The following SART1 variants were observed in gnomAD, a reference collection of about 807,000 sequenced individuals.
SART1 encodes spliceosome associated factor 1, recruiter of U4/U6.U5 tri-snRNP, also known as U4/U6.U5 tri-snRNP-associated protein 1.
SART1 carries 28 observed loss-of-function variants against 105.0 expected under a neutral mutation model. The ratio of observed to expected loss-of-function variants is 0.27; its 90% CI spans 0.20 to 0.37. The LOEUF is 0.37. Among genes scored for constraint, SART1 ranks in the 10% least tolerant of loss-of-function variants. The pLI, the probability that SART1 is intolerant of heterozygous loss-of-function variation, is 1.00. For missense variants in SART1, 894 were observed against 1,106.5 expected (o/e 0.81, Z 2.72); for synonymous variants, 472 against 462.9 (o/e 1.02, Z -0.25).
rs2276015 is a variant in SART1, at chr11:65,976,832, C to T, written c.1857+66C>T. On this transcript the variant is annotated intron_variant, in intron 14 of 19. Coordinates refer to ENST00000312397, the MANE Select transcript of SART1 (RefSeq NM_005146.5). This position sits in a 1 kb window ranked among gnomAD's most constrained non-coding sequence, Gnocchi z 5.1. ...TCAAGCTGGAGATGAGCACCGGGCT[C>T]GGTGTCCAGAGCCTCAGCCTCCTCA... 9,727 of 1,381,676 alleles carry T rather than the reference C, an allele frequency of 7.0e-3. 562 individuals carry two copies. In the East Asian group the frequency reaches 0.15, roughly 22 times the overall value. The allele number at this position is 1,381,676 out of a possible 1,614,324, so 85.6% of individuals were successfully genotyped here.
intron 4 of SART1, 35 bp downstream of exon 4, chr11:65,965,253 G>C: frequency 6.2e-7 from 1 of 1,609,712 alleles, no homozygotes; most frequent in Non-Finnish European, 8.5e-7. Flanking sequence ...CAAGGGAAGG[G>C]CTGGGGAGGC....
At chr11:65,975,679 G>A (rs932117002) in intron 12 of SART1, among the ~76,000 whole-genome samples, 6 of 152,080 alleles carry the variant, frequency 3.9e-5, no homozygotes, top group African/African-American at 9.7e-5. Context: ...TTAAAAAAAT[G>A]AATGTAATAT....
At chr11:65,973,017 C>CA (rs1302062464) in intron 12 of SART1, among the ~76,000 whole-genome samples, 1 of 151,806 alleles carries the variant, frequency 6.6e-6, no homozygotes, top group African/African-American at 2.4e-5. Flanking sequence ...AAAAAAAATA[C>CA]AAAAAAATTA....
chr11:65,974,277 G>C (rs1294413411), intron 12 of SART1, among the ~76,000 whole-genome samples: 1 of 150,456 alleles, frequency 6.6e-6, no homozygotes, highest in Admixed American at 6.7e-5. Context: ...AGGAGGCTGA[G>C]GCAGGAGAAT....
rs1306718964 is a variant in SART1, at chr11:65,967,805, G to A, written c.1556G>A (p.Arg519Gln). Residue 519 changes from arginine to glutamine, a missense_variant, in exon 12 of 20, where the codon CGA becomes CAA. By Grantham distance (43) the Arg-to-Gln change is conservative. Transcript: ENST00000312397. ...CAGTTACAGCAGCTACAGCAGCTGC[G>A]AGACAGTGGCGAGAAGGTGAGGCTG... The part of the protein sequence containing the change: ...LRQLQQLQQL[R>Q]DSGEKVVEIV... 2 of 1,541,056 alleles carry A rather than the reference G, an allele frequency of 1.3e-6. No individual in the cohort carries two copies. The highest frequency in any genetic ancestry group is 2.0e-5 in the Admixed American group (1 of 49,566).
chr11:65,964,444 T>G (rs1855206670), intron 2 of SART1, 71 bp from the exon 3 acceptor site: 4 of 1,564,942 alleles, frequency 2.6e-6, no homozygotes, highest in Non-Finnish European at 3.5e-6. Context: ...TTTCTCCTCT[T>G]GTCTGTCTGG....
At chr11:65,971,623 T>G (rs1855381634) in intron 12 of SART1, among the ~76,000 whole-genome samples, 1 of 125,548 alleles carries the variant, frequency 8.0e-6, no homozygotes, top group African/African-American at 3.1e-5. Context: ...AGGAGGGGGA[T>G]GGTGGGATTC....
rs1855441530 is a variant in SART1 at position 65,974,390 on chromosome 11, AAC to A, written c.1573-2004_1573-2003del. Among the ~76,000 whole-genome samples, 7 of 146,466 alleles carry A rather than the reference AAC, an allele frequency of 4.8e-5. 1 individual carries two copies. The highest frequency in any genetic ancestry group is 2.1e-4 in the South Asian group (1 of 4,658). On this transcript the variant is annotated intron_variant, in intron 12 of 19. Transcript: ENST00000312397. Reference sequence around the variant, plus strand: ...CTGTCTCAAAAAAAAAAAAAAAAAAAACCATATCAGCCGGGTGTGGTGGTTCA... The same window carrying A: ...CTGTCTCAAAAAAAAAAAAAAAAAAACATATCAGCCGGGTGTGGTGGTTCA...
chr11:65,978,180 C>T lies in SART1; in HGVS notation c.2172+281C>T. 3.8e-6 allele frequency: 2 copies of T among 525,400 alleles called. No homozygotes were observed. The highest frequency in any genetic ancestry group is 4.3e-5 in the South Asian group (2 of 46,752). The allele number at this position is 525,400 out of a possible 1,614,324, so 32.5% of individuals were successfully genotyped here. A position where few individuals can be genotyped will look rare whatever the true frequency, so the allele number is the denominator to read the frequency against. ...CCTCCTGTCCTCACCTGCGTGAGCC[C>T]TTCACTGGCTTTCCTGGCCCGCAGG... On this transcript the variant is annotated intron_variant, in intron 17 of 19. Transcript: ENST00000312397. This position sits in a 1 kb window ranked among gnomAD's most constrained non-coding sequence, Gnocchi z 6.8.
intron 12 of SART1, 133 bp downstream of exon 12, chr11:65,967,954 T>G (rs992719734): frequency 1.1e-4 from 85 of 764,946 alleles, no homozygotes; most frequent in East Asian, 7.7e-4. Flanking sequence ...GGTTTGTTTT[T>G]TTTTTTTTTT....
rs766624818 is a variant in SART1, at chr11:65,964,223, C to T, written c.371+92C>T. On this transcript the variant is annotated intron_variant, in intron 2 of 19. Coordinates refer to ENST00000312397, the MANE Select transcript of SART1 (RefSeq NM_005146.5). ...GGAGGCTTTCTCACATGAAAGTGTG[C>T]TAATCAGAGTTGGAAAGATTGTTTA... is the stretch of plus-strand genomic sequence containing the variant. 8.1e-6 allele frequency: 9 copies of T among 1,106,174 alleles called. No individual in the cohort carries two copies. The South Asian group carries it at 1.1e-4, about 14-fold the overall frequency. The allele number at this position is 1,106,174 out of a possible 1,614,324, so 68.5% of individuals were successfully genotyped here.
intron 9 of SART1, among the ~76,000 whole-genome samples, chr11:65,966,914 C>T (rs536495080): frequency 2.0e-5 from 3 of 152,240 alleles, no homozygotes; most frequent in East Asian, 1.9e-4. Context: ...GAGAGGTGTG[C>T]GTGGATTCTG....
rs1349793926 is a variant in SART1, at chr11:65,964,226, A to C, written c.371+95A>C. 3.7e-6 allele frequency: 4 copies of C among 1,090,046 alleles called. No individual in the cohort carries two copies. The South Asian group carries it at 5.1e-5, about 14-fold the overall frequency. 67.5% of individuals were successfully genotyped at this position (1,090,046 alleles called of 1,614,324 possible). On this transcript the variant is annotated intron_variant, in intron 2 of 19. Transcript: ENST00000312397. ...GGCTTTCTCACATGAAAGTGTGCTA[A>C]TCAGAGTTGGAAAGATTGTTTAAAT...
intron 12 of SART1, among the ~76,000 whole-genome samples, chr11:65,974,387 A>C (rs866096485): frequency 9.6e-4 from 144 of 149,448 alleles, no homozygotes; most frequent in African/African-American, 3.5e-3. Flanking sequence ...AAAAAAAAAA[A>C]AAAACCATAT....
At position 65,976,263 on chromosome 11, in the gene SART1, TAGC is replaced by T. The variant is rs553633934; in HGVS notation, c.1573-128_1573-126del. Reference sequence around the variant, plus strand: ...GTGCAGAGTGGAGTTAGGCGGCAGATAGCAGCTGGGCCTGCATGGGCTGTGGGC... The same window carrying T: ...GTGCAGAGTGGAGTTAGGCGGCAGATAGCTGGGCCTGCATGGGCTGTGGGC... On this transcript the variant is annotated intron_variant, in intron 12 of 19. Transcript: ENST00000312397. The surrounding 1 kb of genome is among the most constrained non-coding windows in gnomAD (Gnocchi z 5.1). 1.7e-4 allele frequency: 149 copies of T among 853,826 alleles called. No homozygotes were observed. In the African/African-American group the frequency reaches 2.4e-3, roughly 14 times the overall value. 52.9% of individuals were successfully genotyped at this position (853,826 alleles called of 1,614,324 possible).
chr11:65,973,304 G>A (rs1855418891), intron 12 of SART1, among the ~76,000 whole-genome samples: 1 of 151,998 alleles, frequency 6.6e-6, no homozygotes, highest in Admixed American at 6.6e-5. Context: ...ATGGGTTGGT[G>A]TCAAGAGTAT....
chr11:65,972,078 T>G (rs501353), intron 12 of SART1, among the ~76,000 whole-genome samples: 77,234 of 151,818 alleles, frequency 0.51, 20,048 homozygotes, highest in East Asian at 0.68. Context: ...AATTTAGGGG[T>G]TACACAATTC....
intron 15 of SART1, among the ~76,000 whole-genome samples, 195 bp downstream of exon 15, chr11:65,977,296 C>T (rs1169298463): frequency 6.6e-6 from 1 of 152,174 alleles, no homozygotes; most frequent in Non-Finnish European, 1.5e-5. Context: ...TCCACACCTG[C>T]TTGGGGAAGG....
rs777846952 is a variant in SART1, at chr11:65,961,767, G to T, written c.-14G>T. 1.3e-6 allele frequency: 2 copies of T among 1,490,826 alleles called. No individual in the cohort carries two copies. Among genetic ancestry groups the T allele is most frequent in the Admixed American group, 2.6e-5 (1 of 38,580 alleles). 92.3% of individuals were successfully genotyped at this position (1,490,826 alleles called of 1,614,324 possible). ...GGGCTCGGCGGCAGCCGGGCTCGGA[G>T]TGGACGTGCCACTATGGGGTCGTCC... On this transcript the variant is annotated 5_prime_UTR_variant, in exon 1 of 20. Coordinates refer to ENST00000312397, the MANE Select transcript of SART1 (RefSeq NM_005146.5).
Sources: gnomAD v4.1 joint callset for allele counts (sites outside exome capture counted in the v4.1 genomes callset) on GRCh38, gnomAD v4.1.1 for gene constraint, Gnocchi (gnomAD v3.1) non-coding constraint, MANE v1.5 for transcripts, NCBI Gene and HGNC (gene_info 2026-07-23, HGNC 2026-07-21) for gene names.